WDR27: variants seen among roughly 807,000 people sequenced by gnomAD.
WDR27 encodes WD repeat domain 27.
In WDR27, 100 loss-of-function variants were observed where a neutral mutation model predicts 114.4. The ratio of observed to expected loss-of-function variants is 0.87; its 90% CI spans 0.74 to 1.03. The LOEUF is 1.03. Among genes scored for constraint, WDR27 ranks in the 50% least tolerant of loss-of-function variants. WDR27 has a pLI of 0.00. For synonymous variants in WDR27, 449 were observed against 423.1 expected, an observed-to-expected ratio of 1.06 and a Z score of -0.75; for missense variants, 1,129 against 1,092.9, an observed-to-expected ratio of 1.03 and a Z score of -0.47.
At position 169,696,332 on chromosome 6, in the gene WDR27, G is replaced by A. The variant is rs141935154; in HGVS notation, c.-8+5219C>T. On this transcript the variant is annotated intron_variant, in intron 1 of 25. Coordinates refer to ENST00000448612, the MANE Select transcript of WDR27 (RefSeq NM_182552.5). ...GGAAGAATGGCGCAGTGAAGCTTAC[G>A]AGGAAGAAGTTAAGGTATGGGCAGT... is the stretch of plus-strand genomic sequence containing the variant. 1.8e-3 allele frequency among the ~76,000 whole-genome samples: 268 copies of A among 152,266 alleles called. 1 individual carries two copies. Among genetic ancestry groups the A allele is most frequent in the African/African-American group, 6.1e-3 (253 of 41,550 alleles).
At chr6:169,488,043 T>C (rs965169887) in intron 25 of WDR27, among the ~76,000 whole-genome samples, 1 of 152,216 alleles carries the variant, frequency 6.6e-6, no homozygotes, top group Admixed American at 6.5e-5. Context: ...ACCTGGCATA[T>C]GAAATGATGG....
At chr6:169,592,669 T>G (rs1271779539) in intron 23 of WDR27, among the ~76,000 whole-genome samples, 2 of 152,208 alleles carry the variant, frequency 1.3e-5, no homozygotes, top group African/African-American at 4.8e-5. Flanking sequence ...TAATATCTGT[T>G]AAGTTGTCCT....
intron 24 of WDR27, among the ~76,000 whole-genome samples, chr6:169,573,150 T>A (rs1801727163): frequency 6.6e-6 from 1 of 152,136 alleles, no homozygotes; most frequent in South Asian, 2.1e-4. Flanking sequence ...TTCGTCTGTG[T>A]CTTGTCTTTC....
chr6:169,652,244 GTTT>G (rs969825326), intron 13 of WDR27, among the ~76,000 whole-genome samples: 2 of 151,892 alleles, frequency 1.3e-5, no homozygotes, highest in African/African-American at 4.8e-5. Context: ...TGTTGTTGTT[GTTT>G]TGTTGTTGTT....
chr6:169,487,606 A>G (rs1186987349), intron 25 of WDR27, among the ~76,000 whole-genome samples: 1 of 152,202 alleles, frequency 6.6e-6, no homozygotes, highest in Non-Finnish European at 1.5e-5. Context: ...GCCTCCCTCT[A>G]ATAAAAATCC....
Position 169,670,701 on chromosome 6 carries a change from G to A in WDR27, c.332-8C>T. Reference sequence around the variant, plus strand: ...TCCCTCGAGGGACCAGCCCTAGAGTGAGTTTCACCATTAGTGCCAGTTTAC... The same window carrying A: ...TCCCTCGAGGGACCAGCCCTAGAGTAAGTTTCACCATTAGTGCCAGTTTAC... On this transcript the variant is annotated splice_region_variant and splice_polypyrimidine_tract_variant and intron_variant, in intron 3 of 25. Coordinates refer to ENST00000448612, the MANE Select transcript of WDR27 (RefSeq NM_182552.5). 3.7e-6 allele frequency: 6 copies of A among 1,613,034 alleles called. No homozygotes were observed. Among genetic ancestry groups the A allele is most frequent in the Non-Finnish European group, 5.1e-6 (6 of 1,179,454 alleles).
intron 22 of WDR27, among the ~76,000 whole-genome samples, chr6:169,606,874 T>C (rs571395608): frequency 6.6e-6 from 1 of 152,314 alleles, no homozygotes; most frequent in South Asian, 2.1e-4. Flanking sequence ...TTCTAGGCCT[T>C]TGAGTAAATG....
chr6:169,533,797 T>G (rs1000586109), intron 25 of WDR27, among the ~76,000 whole-genome samples: 2 of 151,672 alleles, frequency 1.3e-5, no homozygotes, highest in Non-Finnish European at 2.9e-5. Flanking sequence ...CATCACCAAC[T>G]GGTAATGGTT....
chr6:169,470,684 G>T (rs1046030515), intron 25 of WDR27, among the ~76,000 whole-genome samples: 1 of 152,098 alleles, frequency 6.6e-6, no homozygotes, highest in Admixed American at 6.6e-5. Flanking sequence ...TTCTTACAAA[G>T]CCAACAATTC....
intron 22 of WDR27, among the ~76,000 whole-genome samples, chr6:169,611,803 G>A (rs1053452903): frequency 1.3e-5 from 2 of 152,122 alleles, no homozygotes; most frequent in African/African-American, 4.8e-5. Context: ...AAGGTCTTCA[G>A]GGGCAGTGAA....
At chr6:169,501,411 AG>A (rs1461646321) in intron 25 of WDR27, among the ~76,000 whole-genome samples, 1 of 152,228 alleles carries the variant, frequency 6.6e-6, no homozygotes, top group Non-Finnish European at 1.5e-5. Flanking sequence ...AGTAGCCCGC[AG>A]ATGTGCCTGC....
intron 2 of WDR27, among the ~76,000 whole-genome samples, chr6:169,686,669 T>A (rs936861540): frequency 1.3e-5 from 2 of 152,084 alleles, no homozygotes; most frequent in Non-Finnish European, 2.9e-5. Context: ...AGACAAGCAA[T>A]ACATTATATA....
chr6:169,520,517 CAG>C (rs1298788986), intron 25 of WDR27, among the ~76,000 whole-genome samples: 2 of 151,664 alleles, frequency 1.3e-5, no homozygotes, highest in African/African-American at 4.8e-5. Flanking sequence ...CAACAGCAAA[CAG>C]GGAACCATGA....
At chr6:169,576,012 G>A (rs907620214) in intron 24 of WDR27, among the ~76,000 whole-genome samples, 3 of 152,164 alleles carry the variant, frequency 2.0e-5, no homozygotes, top group Non-Finnish European at 4.4e-5. Flanking sequence ...TTTCAGAGAC[G>A]TGTCTGATAA....
chr6:169,545,907 CAA>C (rs1478624119), intron 25 of WDR27, among the ~76,000 whole-genome samples: 6 of 151,322 alleles, frequency 4.0e-5, no homozygotes, highest in Admixed American at 2.6e-4. Flanking sequence ...AGGAAAACAA[CAA>C]AGAGTACAAT....
At chr6:169,444,846 T>C in the WDR27 span, among the ~76,000 whole-genome samples, 1 of 152,146 alleles carries the variant, frequency 6.6e-6, no homozygotes, top group Non-Finnish European at 1.5e-5. Flanking sequence ...TTATGTCAAG[T>C]AGCCCAATCC....
intron 25 of WDR27, among the ~76,000 whole-genome samples, chr6:169,556,965 C>A (rs1349736908): frequency 1.3e-5 from 2 of 152,188 alleles, no homozygotes; most frequent in African/African-American, 4.8e-5. Context: ...TGGGGAGTGT[C>A]AAGATGTACA....
At chr6:169,660,155 T>C (rs746354262) in intron 10 of WDR27, among the ~76,000 whole-genome samples, 10 of 57,778 alleles carry the variant, frequency 1.7e-4, no homozygotes, top group Admixed American at 4.7e-4. Flanking sequence ...GTGGCATCCA[T>C]GGAGTTAGGA....
intron 25 of WDR27, among the ~76,000 whole-genome samples, chr6:169,492,458 G>C (rs1479513019): frequency 6.6e-6 from 1 of 152,056 alleles, no homozygotes; most frequent in Non-Finnish European, 1.5e-5. Context: ...AAGAAGTAAA[G>C]GACAGCAAAT....
Sources: allele counts gnomAD v4.1 joint callset (sites outside exome capture counted in the v4.1 genomes callset), GRCh38; gene constraint gnomAD v4.1.1; transcripts MANE v1.5; gene names NCBI Gene and HGNC (gene_info 2026-07-23, HGNC 2026-07-21).